NAB1: variants seen among roughly 807,000 people sequenced by gnomAD.
NAB1 encodes NGFI-A-binding protein 1.
A neutral mutation model predicts 49.9 loss-of-function variants in NAB1; 25 were observed. The ratio of observed to expected loss-of-function variants is 0.50; its 90% CI spans 0.37 to 0.70. The LOEUF is 0.70. NAB1 is among the 30% of genes least tolerant of loss of function. The pLI, the probability that NAB1 is intolerant of heterozygous loss-of-function variation, is 0.00. For missense variants in NAB1, 489 were observed against 575.9 expected, an observed-to-expected ratio of 0.85 and a Z score of 1.54; for synonymous variants, 198 against 215.6, an observed-to-expected ratio of 0.92 and a Z score of 0.71.
Position 190,670,380 on chromosome 2 carries a change from A to T in NAB1, c.874A>T (p.Thr292Ser), listed in dbSNP as rs933575178. The change falls in exon 5 of 10, where the codon ACA becomes TCA. Residue 292 changes from threonine to serine, a missense_variant. This residue lies in a region of NAB1 where 38 missense variants were observed against 70.1 expected (regional missense o/e 0.54). Transcript: ENST00000337386. The surrounding 1 kb of genome is among the most constrained non-coding windows in gnomAD (Gnocchi z 5.3). Reference sequence around the variant, plus strand: ...CTGTGTGAAGGATAATGCCCTGCTGACAAGAAGAGATGAGCTTTTTGCCTT... The same window carrying T: ...CTGTGTGAAGGATAATGCCCTGCTGTCAAGAAGAGATGAGCTTTTTGCCTT... Reference protein sequence around the residue: ...QLCVKDNALLTRRDELFALAR... With the variant: ...QLCVKDNALLSRRDELFALAR... The T allele has an allele frequency of 1.9e-6, 3 of 1,613,938 alleles. No individual in the cohort carries two copies. The highest frequency in any genetic ancestry group is 2.5e-6 in the Non-Finnish European group (3 of 1,179,948).
chr2:190,661,537 C>T (rs1037247070), intron 4 of NAB1, among the ~76,000 whole-genome samples: 4 of 151,998 alleles, frequency 2.6e-5, no homozygotes, highest in African/African-American at 7.3e-5. Flanking sequence ...AAAAGTATTT[C>T]TAAAAGATTA....
rs1330867942 is a variant in NAB1, at chr2:190,654,953, C to G, written c.-196-1024C>G. On this transcript the variant is annotated intron_variant, in intron 2 of 9. Coordinates refer to ENST00000337386, the MANE Select transcript of NAB1 (RefSeq NM_005966.4). The surrounding 1 kb of genome is among the most constrained non-coding windows in gnomAD (Gnocchi z 5.6). Reference sequence around the variant, plus strand: ...TAGACTTGGGAATCTGGAAGAAGGGCAGAAAATGAGAGAATGTACTTGATT... The same window carrying G: ...TAGACTTGGGAATCTGGAAGAAGGGGAGAAAATGAGAGAATGTACTTGATT... Among the ~76,000 whole-genome samples, 2 of 152,052 alleles carry G rather than the reference C, an allele frequency of 1.3e-5. No homozygotes were observed. The highest frequency in any genetic ancestry group is 4.8e-5 in the African/African-American group (2 of 41,406).
Position 190,690,572 on chromosome 2 carries a change from G to A in NAB1, c.*239G>A. ...AATATTGATTCATTCACATTCCTGT[G>A]TTAAGTCATTTTATATGGAAAGGCT... On this transcript the variant is annotated 3_prime_UTR_variant, in exon 10 of 10. Transcript: ENST00000337386. The A allele has an allele frequency of 2.6e-6, 1 of 382,252 alleles. No homozygotes were observed. The highest frequency in any genetic ancestry group is 2.0e-5 in the African/African-American group (1 of 49,352). The allele number at this position is 382,252 out of a possible 1,614,324, so 23.7% of individuals were successfully genotyped here.
At chr2:190,655,324 T>C (rs1186015304) in intron 2 of NAB1, among the ~76,000 whole-genome samples, 1 of 152,222 alleles carries the variant, frequency 6.6e-6, no homozygotes, top group Non-Finnish European at 1.5e-5. Flanking sequence ...ACTCCATGGC[T>C]CTTGTCCAAG....
intron 8 of NAB1, 49 bp from the exon 9 acceptor site, chr2:190,687,152 C>T: frequency 1.6e-6 from 2 of 1,219,082 alleles, no homozygotes; most frequent in Non-Finnish European, 2.2e-6. Flanking sequence ...TTAAGAAAAA[C>T]CATGGTATGT....
chr2:190,665,330 A>T (rs1320632019), intron 4 of NAB1, among the ~76,000 whole-genome samples: 1 of 152,004 alleles, frequency 6.6e-6, no homozygotes, highest in Non-Finnish European at 1.5e-5. Context: ...CTCAAAAAAA[A>T]AAAAAAAGTT....
intron 6 of NAB1, among the ~76,000 whole-genome samples, chr2:190,683,331 A>G (rs1455961858): frequency 1.9e-4 from 19 of 99,198 alleles, no homozygotes; most frequent in African/African-American, 7.2e-4. Flanking sequence ...TTTTTAGTAG[A>G]GATGGGGCTT....
chr2:190,656,035 A>G lies in NAB1; in HGVS notation c.-138A>G, dbSNP rs1229624210. On this transcript the variant is annotated 5_prime_UTR_variant, in exon 3 of 10. Transcript: ENST00000337386. ...GAAGTGGAAGTGGAAGTTGCTGTAC[A>G]TTGGCAGCAAGGCCTCCGAGTTAGC... 6.6e-6 allele frequency: 1 copy of G among 152,248 alleles called. No individual in the cohort carries two copies. The highest frequency in any genetic ancestry group is 6.5e-5 in the Admixed American group (1 of 15,288). The allele number at this position is 152,248 out of a possible 1,614,324, so 9.4% of individuals were successfully genotyped here.
At position 190,685,653 on chromosome 2, in the gene NAB1, T is replaced by C. The variant is rs772759697; in HGVS notation, c.1258+15T>C. 6 of 1,585,410 alleles carry C rather than the reference T, an allele frequency of 3.8e-6. No homozygotes were observed. The South Asian group carries it at 6.9e-5, about 18-fold the overall frequency. ...AGATGGACAAGGTACATCTTTAGAA[T>C]ATCCTATGCCTTTAGGGCCACTATG... On this transcript the variant is annotated intron_variant, in intron 8 of 9. Coordinates refer to ENST00000337386, the MANE Select transcript of NAB1 (RefSeq NM_005966.4). The surrounding 1 kb of genome is among the most constrained non-coding windows in gnomAD (Gnocchi z 4.5).
At position 190,682,867 on chromosome 2, in the gene NAB1, C is replaced by G. The variant is rs1258737089; in HGVS notation, c.1006-871C>G. On this transcript the variant is annotated intron_variant, in intron 6 of 9. Transcript: ENST00000337386. The surrounding 1 kb of genome is among the most constrained non-coding windows in gnomAD (Gnocchi z 4.1). ...GGTATGATAAACTAGTAAAGGCCCT[C>G]TATAGGTTTAGCGAAAGTACATAAG... Among the ~76,000 whole-genome samples the G allele has an allele frequency of 1.3e-5, 2 of 152,136 alleles. No individual in the cohort carries two copies. The highest frequency in any genetic ancestry group is 2.9e-5 in the Non-Finnish European group (2 of 68,028).
chr2:190,649,062 G>T (rs1256902333), upstream of NAB1: 8 of 146,094 alleles, frequency 5.5e-5, no homozygotes, highest in African/African-American at 2.0e-4. The surrounding 1 kb of genome is among the most constrained non-coding windows in gnomAD (Gnocchi z 6.1). Flanking sequence ...GGCAAGGCGC[G>T]GCGGGGGAGG....
chr2:190,680,226 C>G lies in NAB1; in HGVS notation c.1006-3512C>G, dbSNP rs1695267040. On this transcript the variant is annotated intron_variant, in intron 6 of 9. Transcript: ENST00000337386. The surrounding 1 kb of genome is among the most constrained non-coding windows in gnomAD (Gnocchi z 5.2). ...CGATCAGTCTCTTCCCTGAGACTTT[C>G]AATGGCTTCTCTTTGTATTTAAGAT... is the stretch of plus-strand genomic sequence containing the variant. Among the ~76,000 whole-genome samples the G allele has an allele frequency of 6.6e-6, 1 of 152,210 alleles. No individual in the cohort carries two copies. Among genetic ancestry groups the G allele is most frequent in the Non-Finnish European group, 1.5e-5 (1 of 68,036 alleles).
intron 4 of NAB1, among the ~76,000 whole-genome samples, chr2:190,664,545 C>CCTTCCTTCCTTCCTTT: frequency 7.1e-6 from 1 of 141,140 alleles, no homozygotes; most frequent in Non-Finnish European, 1.5e-5. Flanking sequence ...TTCCTTCCTT[C>CCTTCCTTCCTTCCTTT]CTTCCTTCCT....
At chr2:190,683,514 G>A (rs138867299) in intron 6 of NAB1, among the ~76,000 whole-genome samples, 41 of 151,820 alleles carry the variant, frequency 2.7e-4, no homozygotes, top group Admixed American at 8.5e-4. Flanking sequence ...AAAACAATAG[G>A]AATGATGACA....
chr2:190,684,609 T>C lies in NAB1; in HGVS notation c.1095+782T>C, dbSNP rs774580857. Reference sequence around the variant, plus strand: ...ATCATGTTTATTCTGTGAATTAATATATTTTACCTACTGATTTTTACATTG... The same window carrying C: ...ATCATGTTTATTCTGTGAATTAATACATTTTACCTACTGATTTTTACATTG... On this transcript the variant is annotated intron_variant, in intron 7 of 9. Transcript: ENST00000337386. The surrounding 1 kb of genome is among the most constrained non-coding windows in gnomAD (Gnocchi z 4.6). Among the ~76,000 whole-genome samples, 1 of 152,328 alleles carries C rather than the reference T, an allele frequency of 6.6e-6. No homozygotes were observed. The highest frequency in any genetic ancestry group is 2.1e-4 in the South Asian group (1 of 4,834).
chr2:190,665,196 A>G (rs750988265), intron 4 of NAB1, among the ~76,000 whole-genome samples: 2 of 151,832 alleles, frequency 1.3e-5, no homozygotes, highest in Non-Finnish European at 2.9e-5. Flanking sequence ...GGTGGCGGGC[A>G]CCTGTAGTCC....
chr2:190,656,471 G>A (rs1485204176), intron 3 of NAB1, among the ~76,000 whole-genome samples: 3 of 152,192 alleles, frequency 2.0e-5, no homozygotes, highest in Non-Finnish European at 2.9e-5. Flanking sequence ...TTTTCCAGTA[G>A]TAAGTGTGGG....
In NAB1 at chr2:190,678,262, TCTC is replaced by T. The variant is rs1574466865; in HGVS notation, c.1005+5113_1005+5115del. On this transcript the variant is annotated intron_variant, in intron 6 of 9. Transcript: ENST00000337386. This position sits in a 1 kb window ranked among gnomAD's most constrained non-coding sequence, Gnocchi z 4.9. Reference sequence around the variant, plus strand: ...GCCAAAGTCCCTGGCTCTCTTGTCTTCTCCTAAATTTTTTTAAATGTTAGTTAA... The same window carrying T: ...GCCAAAGTCCCTGGCTCTCTTGTCTTCTAAATTTTTTTAAATGTTAGTTAA... 6.6e-6 allele frequency among the ~76,000 whole-genome samples: 1 copy of T among 152,174 alleles called. No individual in the cohort carries two copies. Among genetic ancestry groups the T allele is most frequent in the African/African-American group, 2.4e-5 (1 of 41,440 alleles).
At position 190,666,757 on chromosome 2, in the gene NAB1, G is replaced by A. The variant is rs561839803; in HGVS notation, c.820-3569G>A. 1.1e-3 allele frequency among the ~76,000 whole-genome samples: 174 copies of A among 152,124 alleles called. 4 individuals are homozygous for A. Among genetic ancestry groups the A allele is most frequent in the African/African-American group, 4.2e-3 (173 of 41,514 alleles). On this transcript the variant is annotated intron_variant, in intron 4 of 9. Transcript: ENST00000337386. The surrounding 1 kb of genome is among the most constrained non-coding windows in gnomAD (Gnocchi z 5.6). ...TCACATAAAGATATGGTGGAATTTTGGTATTTTGGGCCACAAAAAGAGGAA... is the reference window on the plus strand; with the variant it reads ...TCACATAAAGATATGGTGGAATTTTAGTATTTTGGGCCACAAAAAGAGGAA...
Sources: gnomAD v4.1 joint callset for allele counts (sites outside exome capture counted in the v4.1 genomes callset) on GRCh38, gnomAD v4.1.1 for gene constraint, gnomAD v4.1.1 regional missense constraint, Gnocchi (gnomAD v3.1) non-coding constraint, MANE v1.5 for transcripts, NCBI Gene and HGNC (gene_info 2026-07-23, HGNC 2026-07-21) for gene names.